The following SECISBP2L variants were observed in gnomAD, a reference collection of about 807,000 sequenced individuals.
The protein encoded by SECISBP2L is SECIS binding protein 2 like.
A neutral mutation model predicts 114.7 loss-of-function variants in SECISBP2L; 43 were observed. The observed-to-expected ratio is 0.38, with a 90% confidence interval of 0.29 to 0.48. The LOEUF is 0.48. SECISBP2L is among the 20% of genes least tolerant of loss of function. SECISBP2L has a pLI of 0.98. For missense variants in SECISBP2L, 1,136 were observed against 1,301.1 expected, an observed-to-expected ratio of 0.87 and a Z score of 1.95; for synonymous variants, 451 against 439.7, an observed-to-expected ratio of 1.03 and a Z score of -0.32.
At chr15:49,011,923 G>A (rs2141069138) in intron 12 of SECISBP2L, 60 bp from the exon 13 acceptor site, 2 of 1,566,482 alleles carry the variant, frequency 1.3e-6, no homozygotes, top group East Asian at 4.5e-5. Flanking sequence ...TACAAATGAT[G>A]ACAATATACA....
At chr15:49,021,448 C>G (rs1254156042) in intron 7 of SECISBP2L, among the ~76,000 whole-genome samples, 2 of 152,172 alleles carry the variant, frequency 1.3e-5, no homozygotes, top group Non-Finnish European at 1.5e-5. Flanking sequence ...CCAAATGCAG[C>G]TAACAGTAAA....
At chr15:49,023,793 T>A (rs1227343032) in intron 7 of SECISBP2L, among the ~76,000 whole-genome samples, 1 of 152,172 alleles carries the variant, frequency 6.6e-6, no homozygotes, top group Non-Finnish European at 1.5e-5. Context: ...GTAGATATGC[T>A]CTTTTATGTA....
Position 48,992,657 on chromosome 15 carries a change from C to G in SECISBP2L, c.2893G>C (p.Asp965His). The stretch of plus-strand genomic sequence containing the variant: ...TTCAAAAGATCTCGGCAACTGCCAT[C>G]CAAAGAGCCAGTCTCTGTACTCTGC... Reference protein sequence around the residue: ...SQQSTETGSLDGSCRDLLNSS... With the variant: ...SQQSTETGSLHGSCRDLLNSS... Residue 965 changes from aspartate (D) to histidine (H), a missense_variant, in exon 18 of 18, where the codon GAT (aspartate) becomes CAT (histidine). Transcript: ENST00000559471. The G allele has an allele frequency of 6.2e-7, 1 of 1,614,164 alleles. No homozygotes were observed. Among genetic ancestry groups the G allele is most frequent in the Non-Finnish European group, 8.5e-7 (1 of 1,180,044 alleles).
At position 49,046,393 on chromosome 15, in the gene SECISBP2L, T is replaced by C. The variant is rs1903252606; in HGVS notation, c.-94A>G. The C allele has an allele frequency of 1.5e-6, 2 of 1,298,796 alleles. No individual in the cohort carries two copies. Among genetic ancestry groups the C allele is most frequent in the Admixed American group, 7.4e-5 (2 of 27,208 alleles). 80.5% of individuals were successfully genotyped at this position (1,298,796 alleles called of 1,614,324 possible). A position where few individuals can be genotyped will look rare whatever the true frequency, so the allele number is the denominator to read the frequency against. ...CCCCCCGCTCGGGTCCAGACTGGGT[T>C]CCGGACCTCCGCCCCTATCTGGCTG... On this transcript the variant is annotated 5_prime_UTR_variant, in exon 1 of 18. Coordinates refer to ENST00000559471, the MANE Select transcript of SECISBP2L (RefSeq NM_001193489.2).
intron 1 of SECISBP2L, among the ~76,000 whole-genome samples, chr15:49,038,977 G>C (rs370715464): frequency 3.3e-5 from 5 of 151,896 alleles, no homozygotes; most frequent in Non-Finnish European, 5.9e-5. Context: ...AGCTAGTAAG[G>C]AATCCAAGTA....
At chr15:49,034,252 T>C (rs1044925330) in intron 3 of SECISBP2L, among the ~76,000 whole-genome samples, 1 of 152,194 alleles carries the variant, frequency 6.6e-6, no homozygotes, top group Non-Finnish European at 1.5e-5. Context: ...TCATAAGATA[T>C]GTCTAAGATG....
chr15:49,041,314 CTTT>C (rs948971043), intron 1 of SECISBP2L, among the ~76,000 whole-genome samples: 15 of 152,166 alleles, frequency 9.9e-5, no homozygotes, highest in Non-Finnish European at 1.9e-4. Flanking sequence ...TTCATGTTCA[CTTT>C]TTATTTTGTG....
intron 14 of SECISBP2L, among the ~76,000 whole-genome samples, chr15:49,005,055 C>T (rs1017876093): frequency 5.3e-5 from 8 of 152,030 alleles, no homozygotes; most frequent in South Asian, 2.1e-4. Context: ...ATTGGCTGGG[C>T]GCAGTGGCTC....
chr15:49,019,681 CTTATT>C (rs778155873), intron 7 of SECISBP2L, 129 bp from the exon 8 acceptor site: 36 of 707,314 alleles, frequency 5.1e-5, no homozygotes, highest in East Asian at 6.9e-5. Context: ...AAGTGCATCA[CTTATT>C]TTAAAGATCA....
intron 4 of SECISBP2L, among the ~76,000 whole-genome samples, chr15:49,029,116 A>T (rs1474520362): frequency 6.6e-6 from 1 of 152,206 alleles, no homozygotes; most frequent in Non-Finnish European, 1.5e-5. Context: ...GACCTCCCAA[A>T]ATGCTGGGAT....
intron 11 of SECISBP2L, among the ~76,000 whole-genome samples, chr15:49,013,854 T>C (rs1416573234): frequency 6.6e-6 from 1 of 152,156 alleles, no homozygotes; most frequent in African/African-American, 2.4e-5. Flanking sequence ...ACTCTATTCC[T>C]ATACCCTTGC....
At chr15:49,003,833 C>T (rs112845102) in intron 14 of SECISBP2L, among the ~76,000 whole-genome samples, 2 of 152,144 alleles carry the variant, frequency 1.3e-5, no homozygotes, top group Admixed American at 1.3e-4. Context: ...CTGCTAAATT[C>T]GGTTTGCCAG....
intron 1 of SECISBP2L, among the ~76,000 whole-genome samples, chr15:49,044,694 G>A (rs1903207591): frequency 6.6e-6 from 1 of 152,062 alleles, no homozygotes. Flanking sequence ...AATAGGTCGT[G>A]GACTTTGGAA....
At chr15:49,021,658 A>G (rs1314378634) in intron 7 of SECISBP2L, among the ~76,000 whole-genome samples, 1 of 152,218 alleles carries the variant, frequency 6.6e-6, no homozygotes, top group East Asian at 1.9e-4. Context: ...TGTAAACCAG[A>G]ATTAGTATAT....
chr15:49,006,117 G>A (rs185330747), intron 14 of SECISBP2L, among the ~76,000 whole-genome samples: 4 of 152,250 alleles, frequency 2.6e-5, no homozygotes, highest in East Asian at 1.9e-4. Flanking sequence ...AGAGAGACCC[G>A]CTGTTAGACT....
intron 1 of SECISBP2L, among the ~76,000 whole-genome samples, chr15:49,038,831 ACTAC>A (rs1467815870): frequency 1.3e-5 from 2 of 152,176 alleles, no homozygotes; most frequent in African/African-American, 4.8e-5. Flanking sequence ...AATGTTTTTA[ACTAC>A]TGTAAAAAAT....
At chr15:49,032,827 G>A (rs752867742) in intron 4 of SECISBP2L, 138 bp downstream of exon 4, 27 of 1,144,388 alleles carry the variant, frequency 2.4e-5, no homozygotes, top group Non-Finnish European at 3.0e-5. Context: ...ATCCTTCCTA[G>A]AGAATTTCAC....
chr15:49,046,064 G>A (rs1052958883), intron 1 of SECISBP2L, among the ~76,000 whole-genome samples: 2 of 152,176 alleles, frequency 1.3e-5, no homozygotes, highest in African/African-American at 4.8e-5. Flanking sequence ...CGAGCCCTCC[G>A]CCTGGGAAGT....
chr15:49,017,180 G>A, intron 9 of SECISBP2L, 165 bp from the exon 10 acceptor site: 1 of 671,122 alleles, frequency 1.5e-6, no homozygotes, highest in South Asian at 2.3e-5. Flanking sequence ...TTTCAGACTG[G>A]GAAATAATAA....
Sources: gnomAD v4.1 joint callset for allele counts (sites outside exome capture counted in the v4.1 genomes callset) on GRCh38, gnomAD v4.1.1 for gene constraint, MANE v1.5 for transcripts, NCBI Gene and HGNC (gene_info 2026-07-23, HGNC 2026-07-21) for gene names.